The following CNTLN variants were observed in gnomAD, a reference collection of about 807,000 sequenced individuals.
CNTLN encodes centlein, centrosomal protein.
CNTLN carries 212 observed loss-of-function variants against 180.0 expected under a neutral mutation model. The observed-to-expected ratio is 1.18, with a 90% CI of 1.05 to 1.32. The LOEUF is 1.32. CNTLN is among the 40% of genes most tolerant of loss of function. The pLI is 0.00. For synonymous variants in CNTLN, 722 were observed against 563.1 expected, an observed-to-expected ratio of 1.28 and a Z score of -3.99; for missense variants, 2,095 against 1,610.9, an observed-to-expected ratio of 1.30 and a Z score of -5.14.
chr9:17,357,784 A>G (rs566942095), intron 12 of CNTLN, among the ~76,000 whole-genome samples: 1 of 151,672 alleles, frequency 6.6e-6, no homozygotes, highest in Admixed American at 6.6e-5. Flanking sequence ...TCTTTAGAAT[A>G]AATAACCTTA....
chr9:17,269,511 T>C (rs1827780260), intron 5 of CNTLN, among the ~76,000 whole-genome samples: 1 of 152,172 alleles, frequency 6.6e-6, no homozygotes, highest in Non-Finnish European at 1.5e-5. Flanking sequence ...TCTTTCATGA[T>C]CTCTTGTTTG....
At chr9:17,441,207 A>G (rs1002593900) in intron 18 of CNTLN, among the ~76,000 whole-genome samples, 40 of 152,230 alleles carry the variant, frequency 2.6e-4, no homozygotes, top group Non-Finnish European at 8.8e-5. Flanking sequence ...TAGAAGAAAT[A>G]CTAAACTGAG....
At chr9:17,364,361 T>G (rs1345523703) in intron 12 of CNTLN, among the ~76,000 whole-genome samples, 1 of 152,138 alleles carries the variant, frequency 6.6e-6, no homozygotes, top group Non-Finnish European at 1.5e-5. Flanking sequence ...CATTAGCTTT[T>G]TCTACTTGCT....
chr9:17,512,299 C>A, the CNTLN span, among the ~76,000 whole-genome samples: 3 of 152,092 alleles, frequency 2.0e-5, no homozygotes, highest in Admixed American at 6.6e-5. Flanking sequence ...CCTTAGGAGG[C>A]CTTTTATCAA....
intron 19 of CNTLN, 41 bp from the exon 20 acceptor site, chr9:17,462,875 G>C (rs1455124716): frequency 8.9e-7 from 1 of 1,122,404 alleles, no homozygotes; most frequent in African/African-American, 1.7e-5. Flanking sequence ...TTAGACCAAG[G>C]TTGTAAGGTA....
At chr9:17,377,274 G>A (rs1281760598) in intron 13 of CNTLN, among the ~76,000 whole-genome samples, 3 of 152,194 alleles carry the variant, frequency 2.0e-5, no homozygotes, top group East Asian at 3.9e-4. Context: ...TACTAGGCGC[G>A]GTGGCTCACG....
At chr9:17,264,654 TATTG>T (rs1827269438) in intron 5 of CNTLN, among the ~76,000 whole-genome samples, 1 of 152,244 alleles carries the variant, frequency 6.6e-6, no homozygotes, top group Non-Finnish European at 1.5e-5. Context: ...ATTTTCACGA[TATTG>T]ATTCTTCCTA....
chr9:17,484,353 T>C lies in CNTLN; in HGVS notation c.3914T>C (p.Leu1305Pro). ...VHVVRRQIRE[L>P]KKMKKNRDAC... ...GTGGTAAGGCGACAAATAAGAGAGC[T>C]TAAAAAAATGAAGAAAAACAGGGAC... is the stretch of plus-strand genomic sequence containing the variant. Residue 1305 changes from leucine to proline, a missense_variant, in exon 24 of 26, where the codon CTT becomes CCT. Leu to Pro is a moderately conservative substitution (Grantham distance 98). Coordinates refer to ENST00000380647, the MANE Select transcript of CNTLN (RefSeq NM_017738.4). 6.2e-7 allele frequency: 1 copy of C among 1,612,436 alleles called. No individual in the cohort carries two copies. The highest frequency in any genetic ancestry group is 8.5e-7 in the Non-Finnish European group (1 of 1,179,412).
intron 8 of CNTLN, among the ~76,000 whole-genome samples, chr9:17,326,050 C>A (rs1044568358): frequency 2.0e-5 from 3 of 151,972 alleles, no homozygotes; most frequent in African/African-American, 7.2e-5. Context: ...AGGCCCTTCC[C>A]CCATGCCTTC....
chr9:17,208,190 T>C (rs1823053973), intron 2 of CNTLN, among the ~76,000 whole-genome samples: 1 of 152,228 alleles, frequency 6.6e-6, no homozygotes, highest in Non-Finnish European at 1.5e-5. Flanking sequence ...TGTTCAATTT[T>C]ATGAACTGCT....
intron 12 of CNTLN, among the ~76,000 whole-genome samples, chr9:17,354,222 C>G (rs1171572532): frequency 6.6e-6 from 1 of 152,206 alleles, no homozygotes; most frequent in Non-Finnish European, 1.5e-5. Flanking sequence ...CTCCCACCCA[C>G]TCCATGGGCT....
At chr9:17,331,837 C>A (rs1820662372) in intron 9 of CNTLN, among the ~76,000 whole-genome samples, 1 of 152,048 alleles carries the variant, frequency 6.6e-6, no homozygotes, top group East Asian at 1.9e-4. Context: ...AATTGAAATA[C>A]AGCATTACCG....
chr9:17,510,193 A>G, the CNTLN span, among the ~76,000 whole-genome samples: 1 of 152,186 alleles, frequency 6.6e-6, no homozygotes, highest in South Asian at 2.1e-4. Context: ...GAAAAGAACT[A>G]CAACCAGCTG....
At chr9:17,401,322 C>G (rs562530455) in intron 15 of CNTLN, among the ~76,000 whole-genome samples, 1 of 152,036 alleles carries the variant, frequency 6.6e-6, no homozygotes, top group South Asian at 2.1e-4. Context: ...AAATAATATT[C>G]ATTGTCTGAC....
intron 14 of CNTLN, among the ~76,000 whole-genome samples, chr9:17,392,154 C>T (rs2119907): frequency 0.82 from 124,376 of 152,070 alleles, 51,334 homozygotes; most frequent in Non-Finnish European, 0.87. Context: ...CTGGTCCTAG[C>T]TCCTTGGGAG....
chr9:17,304,575 A>T (rs1211747023), intron 7 of CNTLN, among the ~76,000 whole-genome samples: 1 of 152,266 alleles, frequency 6.6e-6, no homozygotes, highest in South Asian at 2.1e-4. Context: ...TTTGGCTATA[A>T]ATAGTACAGT....
intron 13 of CNTLN, among the ~76,000 whole-genome samples, chr9:17,379,997 C>T (rs4961438): frequency 1.3e-5 from 2 of 152,138 alleles, no homozygotes; most frequent in African/African-American, 4.8e-5. Context: ...GAACTGGAGA[C>T]AGCTGAAATG....
chr9:17,337,438 A>T (rs930222038), intron 10 of CNTLN, among the ~76,000 whole-genome samples: 1 of 152,122 alleles, frequency 6.6e-6, no homozygotes, highest in Non-Finnish European at 1.5e-5. Context: ...TTCTGTAATT[A>T]ATACTTAGTG....
intron 12 of CNTLN, among the ~76,000 whole-genome samples, chr9:17,351,573 C>T (rs1238128153): frequency 1.3e-5 from 2 of 151,674 alleles, no homozygotes; most frequent in Admixed American, 1.3e-4. Context: ...TTTTTCTGAC[C>T]TCCCCTCATT....
Sources: allele counts gnomAD v4.1 joint callset (sites outside exome capture counted in the v4.1 genomes callset), GRCh38; gene constraint gnomAD v4.1.1; transcripts MANE v1.5; gene names NCBI Gene and HGNC (gene_info 2026-07-23, HGNC 2026-07-21).